Variants in RARB observed in about 807,000 individuals in gnomAD.
The protein encoded by RARB is retinoic acid receptor beta.
A neutral mutation model predicts 51.9 loss-of-function variants in RARB; 17 were observed. The observed-to-expected ratio is 0.33, with a 90% CI of 0.22 to 0.49. RARB has a LOEUF of 0.49. Among genes scored for constraint, RARB ranks in the 20% least tolerant of loss-of-function variants. RARB has a pLI of 0.99. For synonymous variants in RARB, 215 were observed against 195.4 expected, an observed-to-expected ratio of 1.10 and a Z score of -0.84; for missense variants, 369 against 550.8, an observed-to-expected ratio of 0.67 and a Z score of 3.30.
At position 25,468,319 on chromosome 3, in the gene RARB, G is replaced by A. The variant is rs1575432572; in HGVS notation, c.306+6978G>A. Among the ~76,000 whole-genome samples, 4 of 151,426 alleles carry A rather than the reference G, an allele frequency of 2.6e-5. No individual in the cohort carries two copies. In the Middle Eastern group the frequency reaches 0.01, roughly 394 times the overall value. On this transcript the variant is annotated intron_variant, in intron 2 of 7. Transcript: ENST00000330688. ...TTTGTACGTCCAAGTGTGGAGTAGA[G>A]GGAAGAAGAAAACTACCCTTGTTGG...
At chr3:25,407,341 TG>T (rs1180110808) in intron 5 of RARB, among the ~76,000 whole-genome samples, 1 of 152,222 alleles carries the variant, frequency 6.6e-6, no homozygotes, top group Admixed American at 6.5e-5. Flanking sequence ...CACTGGGATT[TG>T]GGACAATGTA....
chr3:24,978,006 G>C (rs1036434472), intron 2 of RARB, among the ~76,000 whole-genome samples: 1 of 152,136 alleles, frequency 6.6e-6, no homozygotes, highest in Admixed American at 6.5e-5. Context: ...CATTGATTGA[G>C]ATAATCATGT....
intron 2 of RARB, among the ~76,000 whole-genome samples, chr3:24,908,661 C>CCGTTT (rs1694921218): frequency 2.1e-5 from 1 of 47,018 alleles, no homozygotes; most frequent in Non-Finnish European, 4.6e-5. Context: ...GTAACCACAA[C>CCGTTT]TGTTTTTTTT....
At chr3:24,921,017 T>C (rs1024656950) in intron 2 of RARB, among the ~76,000 whole-genome samples, 17 of 152,174 alleles carry the variant, frequency 1.1e-4, no homozygotes, top group African/African-American at 4.1e-4. Context: ...GGTCAAGGCT[T>C]ACTGGTGCAG....
chr3:24,992,408 G>A (rs1297777294), intron 2 of RARB, among the ~76,000 whole-genome samples: 1 of 152,104 alleles, frequency 6.6e-6, no homozygotes, highest in Non-Finnish European at 1.5e-5. Flanking sequence ...GTAAGATAGA[G>A]ATCATCTATT....
chr3:25,160,762 C>G (rs1700460895), intron 4 of RARB, among the ~76,000 whole-genome samples: 1 of 152,174 alleles, frequency 6.6e-6, no homozygotes, highest in Non-Finnish European at 1.5e-5. Context: ...CAAGGTGCCG[C>G]CATGGTTCGT....
At chr3:24,875,837 T>C (rs572380241) in intron 2 of RARB, among the ~76,000 whole-genome samples, 94 of 152,236 alleles carry the variant, frequency 6.2e-4, no homozygotes, top group African/African-American at 2.3e-3. Flanking sequence ...GAATCCATTA[T>C]CCCACATTAC....
intron 1 of RARB, among the ~76,000 whole-genome samples, chr3:24,833,505 C>G (rs1702307281): frequency 6.6e-6 from 1 of 152,172 alleles, no homozygotes; most frequent in African/African-American, 2.4e-5. Context: ...TAATCCATTC[C>G]TGGCCTCTGA....
At chr3:24,885,690 G>C (rs950838453) in intron 2 of RARB, among the ~76,000 whole-genome samples, 6 of 152,100 alleles carry the variant, frequency 3.9e-5, no homozygotes, top group African/African-American at 9.7e-5. Flanking sequence ...GTTAGAATTG[G>C]GTAAGACAGA....
chr3:24,987,455 T>C (rs1168671667), intron 2 of RARB, among the ~76,000 whole-genome samples: 2 of 152,208 alleles, frequency 1.3e-5, no homozygotes, highest in Non-Finnish European at 2.9e-5. Context: ...TTGGATGAAA[T>C]CTTTATCTTA....
chr3:25,418,229 G>A (rs1707762244), intron 5 of RARB, among the ~76,000 whole-genome samples: 1 of 152,204 alleles, frequency 6.6e-6, no homozygotes, highest in Admixed American at 6.5e-5. Context: ...ATGGATTTGG[G>A]AGAAGGGTCC....
At chr3:24,925,546 G>T (rs1340720887) in intron 2 of RARB, among the ~76,000 whole-genome samples, 1 of 151,350 alleles carries the variant, frequency 6.6e-6, no homozygotes, top group Non-Finnish European at 1.5e-5. Flanking sequence ...AGACACTGAG[G>T]TGGGAGCAAT....
intron 5 of RARB, among the ~76,000 whole-genome samples, chr3:25,286,206 G>A (rs374192137): frequency 7.7e-5 from 11 of 143,300 alleles, no homozygotes; most frequent in South Asian, 2.3e-4. Context: ...CTCCTGCCTC[G>A]GCCTCCCAAG....
intron 5 of RARB, among the ~76,000 whole-genome samples, chr3:25,184,465 A>G (rs1433790336): frequency 6.6e-6 from 1 of 152,064 alleles, no homozygotes. Flanking sequence ...AAAACTAATC[A>G]TTAGGAAAGG....
chr3:25,145,048 A>G (rs1051246855), intron 4 of RARB, among the ~76,000 whole-genome samples: 1 of 152,200 alleles, frequency 6.6e-6, no homozygotes, highest in Non-Finnish European at 1.5e-5. Flanking sequence ...CTCTATCGTC[A>G]GTGGCAGATG....
At chr3:25,485,309 G>A (rs893946877) in intron 2 of RARB, among the ~76,000 whole-genome samples, 2 of 152,132 alleles carry the variant, frequency 1.3e-5, no homozygotes, top group African/African-American at 4.8e-5. Context: ...ACTCATTATG[G>A]CCTTAATTGG....
In RARB at chr3:24,895,519, G is replaced by A. The variant is rs549722668; in HGVS notation, c.-380+36767G>A. ...AAAGCTTATTTATCAAGGTGTAGTT[G>A]TTTAAAATGCACTCAGGGAATTAAT... On this transcript the variant is annotated intron_variant, in intron 2 of 11. Coordinates refer to the RARB transcript ENST00000383772. Among the ~76,000 whole-genome samples, 115 of 151,680 alleles carry A rather than the reference G, an allele frequency of 7.6e-4. 2 individuals carry two copies. The highest frequency in any genetic ancestry group is 1.7e-3 in the South Asian group (8 of 4,794).
intron 2 of RARB, among the ~76,000 whole-genome samples, chr3:25,011,481 T>C (rs573271276): frequency 6.6e-6 from 1 of 152,254 alleles, no homozygotes; most frequent in East Asian, 1.9e-4. Context: ...ATTATAGCTA[T>C]ATTTAGTTAG....
intron 5 of RARB, among the ~76,000 whole-genome samples, chr3:25,376,726 TC>T (rs1706472288): frequency 6.6e-6 from 1 of 152,320 alleles, no homozygotes; most frequent in East Asian, 1.9e-4. Flanking sequence ...TATCAGGCTA[TC>T]CCAAGAATTG....
Sources: gnomAD v4.1 joint callset for allele counts (sites outside exome capture counted in the v4.1 genomes callset) on GRCh38, gnomAD v4.1.1 for gene constraint, MANE v1.5 for transcripts, NCBI Gene and HGNC (gene_info 2026-07-23, HGNC 2026-07-21) for gene names.